STAC: variants seen among roughly 807,000 people sequenced by gnomAD.
The protein encoded by STAC is SH3 and cysteine-rich domain-containing protein.
A neutral mutation model predicts 48.8 loss-of-function variants in STAC; 43 were observed. The observed-to-expected ratio is 0.88, with a 90% CI of 0.69 to 1.14. STAC has a LOEUF of 1.14. STAC is among the 50% of genes most tolerant of loss of function. STAC has a pLI of 0.00. For synonymous variants in STAC, 193 were observed against 179.5 expected (o/e 1.07, Z -0.60); for missense variants, 497 against 504.0 (o/e 0.99, Z 0.13).
chr3:36,518,107 AC>A (rs1166435444), intron 8 of STAC, among the ~76,000 whole-genome samples: 2 of 152,184 alleles, frequency 1.3e-5, no homozygotes, highest in Non-Finnish European at 2.9e-5. Flanking sequence ...ACACCAAGGC[AC>A]CTTTTTTAAG....
intron 1 of STAC, among the ~76,000 whole-genome samples, chr3:36,381,025 T>A (rs1400826231): frequency 6.7e-6 from 1 of 150,252 alleles, no homozygotes; most frequent in South Asian, 2.1e-4. Flanking sequence ...GGTAGCTTGG[T>A]TTTTTTTGTG....
chr3:36,446,156 A>G (rs574559395), intron 2 of STAC, among the ~76,000 whole-genome samples: 1 of 152,320 alleles, frequency 6.6e-6, no homozygotes, highest in Non-Finnish European at 1.5e-5. Flanking sequence ...TGTGTTAAGC[A>G]GGCACCGTGG....
chr3:36,456,315 C>T (rs999608749), intron 2 of STAC, among the ~76,000 whole-genome samples: 1 of 152,134 alleles, frequency 6.6e-6, no homozygotes, highest in African/African-American at 2.4e-5. Flanking sequence ...ATCACTTTGC[C>T]TGATGTTATC....
At chr3:36,502,961 T>A (rs894456079) in intron 6 of STAC, among the ~76,000 whole-genome samples, 2 of 152,220 alleles carry the variant, frequency 1.3e-5, no homozygotes, top group African/African-American at 4.8e-5. Flanking sequence ...AGATATTTGA[T>A]AAGCATCAGT....
At chr3:36,514,253 G>A (rs1275756983) in intron 8 of STAC, among the ~76,000 whole-genome samples, 21 of 71,644 alleles carry the variant, frequency 2.9e-4, no homozygotes, top group East Asian at 4.4e-4. Context: ...GGACCACACC[G>A]CCCACTTGCC....
intron 1 of STAC, among the ~76,000 whole-genome samples, chr3:36,422,564 T>A (rs1700473976): frequency 6.6e-6 from 1 of 152,160 alleles, no homozygotes; most frequent in Non-Finnish European, 1.5e-5. Flanking sequence ...GACAATTTTT[T>A]AATAAATATG....
intron 8 of STAC, among the ~76,000 whole-genome samples, chr3:36,514,204 CTTTTTTTTTTTTTTTTT>C (rs765548085): frequency 2.2e-4 from 8 of 36,436 alleles, no homozygotes; most frequent in Admixed American, 1.4e-3. Flanking sequence ...CACTGGCCTT[CTTTTTTTTTTTTTTTTT>C]TTTTTTTTTT....
chr3:36,492,830 CA>C (rs1698026801), intron 5 of STAC, among the ~76,000 whole-genome samples: 1 of 152,184 alleles, frequency 6.6e-6, no homozygotes, highest in Non-Finnish European at 1.5e-5. Context: ...AGGATATGGA[CA>C]GGCATTCTGA....
intron 2 of STAC, among the ~76,000 whole-genome samples, chr3:36,480,015 C>A (rs1303927703): frequency 6.6e-6 from 1 of 152,184 alleles, no homozygotes; most frequent in African/African-American, 2.4e-5. Flanking sequence ...TTCATACAAA[C>A]AGTGTACTAC....
chr3:36,530,257 G>T (rs747622561), intron 10 of STAC, among the ~76,000 whole-genome samples: 3 of 152,120 alleles, frequency 2.0e-5, no homozygotes, highest in Non-Finnish European at 4.4e-5. Context: ...ATTTCCCAAG[G>T]TAATGAATGC....
At position 36,504,516 on chromosome 3, in the gene STAC, T is replaced by C. The variant is rs372515964; in HGVS notation, c.831+59T>C. The C allele has an allele frequency of 5.0e-5, 75 of 1,492,784 alleles. No homozygotes were observed. The African/African-American group carries it at 9.5e-4, about 19-fold the overall frequency. The allele number at this position is 1,492,784 out of a possible 1,614,324, so 92.5% of individuals were successfully genotyped here. On this transcript the variant is annotated intron_variant, in intron 7 of 10. Coordinates refer to ENST00000273183, the MANE Select transcript of STAC (RefSeq NM_003149.3). ...AGGAGTCCTTAGATAGACCTGCAGG[T>C]CACCATCCAAGTGGGTCATGAAATC...
chr3:36,468,314 A>G (rs540862828), intron 2 of STAC, among the ~76,000 whole-genome samples: 148 of 152,188 alleles, frequency 9.7e-4, no homozygotes, highest in African/African-American at 3.0e-3. Flanking sequence ...TTTGTGGCCT[A>G]TCATATGGTC....
intron 5 of STAC, among the ~76,000 whole-genome samples, chr3:36,490,391 A>G (rs1228861743): frequency 6.6e-6 from 1 of 152,184 alleles, no homozygotes; most frequent in African/African-American, 2.4e-5. Context: ...CCACCCAGCA[A>G]TCAAAGGAAA....
intron 1 of STAC, among the ~76,000 whole-genome samples, chr3:36,437,890 G>T (rs1164146325): frequency 6.7e-6 from 1 of 149,020 alleles, no homozygotes; most frequent in African/African-American, 2.5e-5. Flanking sequence ...CCAAATCAAG[G>T]TCTATGCCTA....
At chr3:36,384,855 C>T (rs1407696176) in intron 1 of STAC, among the ~76,000 whole-genome samples, 3 of 152,164 alleles carry the variant, frequency 2.0e-5, no homozygotes, top group African/African-American at 4.8e-5. Context: ...ACCATGAAGA[C>T]GTGCCCTGAA....
chr3:36,504,449 A>AACC lies in STAC; in HGVS notation c.828_830dup (p.His276dup). The AACC allele has an allele frequency of 6.2e-7, 1 of 1,613,536 alleles. No individual in the cohort carries two copies. Among genetic ancestry groups the AACC allele is most frequent in the Non-Finnish European group, 8.5e-7 (1 of 1,179,654 alleles). The stretch of plus-strand genomic sequence containing the variant: ...TTTCAGAGATCCAGCGAAGAACATA[A>AACC]ACCACCAGGTATTTATGGATGTCAC... On this transcript the variant is annotated inframe_insertion, in exon 7 of 11. Transcript: ENST00000273183.
chr3:36,433,568 A>C (rs1031181369), intron 1 of STAC, among the ~76,000 whole-genome samples: 2 of 152,228 alleles, frequency 1.3e-5, no homozygotes, highest in Non-Finnish European at 2.9e-5. Context: ...TCACTTGTTA[A>C]TATAAATATA....
At chr3:36,530,780 T>A (rs1433604867) in intron 10 of STAC, among the ~76,000 whole-genome samples, 1 of 151,852 alleles carries the variant, frequency 6.6e-6, no homozygotes, top group Non-Finnish European at 1.5e-5. Flanking sequence ...ATATTTTTAG[T>A]ACAGTCAGGA....
intron 8 of STAC, among the ~76,000 whole-genome samples, chr3:36,525,785 CA>C (rs930678260): frequency 6.6e-6 from 1 of 152,102 alleles, no homozygotes; most frequent in Non-Finnish European, 1.5e-5. Flanking sequence ...GCGGCATCAG[CA>C]TGAAACTGTG....
Sources: allele counts gnomAD v4.1 joint callset (sites outside exome capture counted in the v4.1 genomes callset), GRCh38; gene constraint gnomAD v4.1.1; transcripts MANE v1.5; gene names NCBI Gene and HGNC (gene_info 2026-07-23, HGNC 2026-07-21).